The following CPOX variants were observed in gnomAD, a reference collection of about 807,000 sequenced individuals.
The protein encoded by CPOX is coproporphyrinogen oxidase.
CPOX carries 24 observed loss-of-function variants against 48.9 expected under a neutral mutation model. That is an observed-to-expected ratio of 0.49 (90% confidence interval 0.36 to 0.69). The LOEUF (loss-of-function observed/expected upper bound fraction) is 0.69, where lower values mean the gene tolerates loss of function less well. Among genes scored for constraint, CPOX ranks in the 30% least tolerant of loss-of-function variants. The probability of loss-of-function intolerance (pLI) is 0.00; values close to 1 mark genes in which losing one functional copy is unlikely to be tolerated. For missense variants in CPOX, 549 were observed against 597.3 expected (o/e 0.92, Z 0.84); for synonymous variants, 249 against 234.6 (o/e 1.06, Z -0.56).
In CPOX at chr3:98,590,676, G is replaced by C. The variant is rs770409384; in HGVS notation, c.767C>G (p.Thr256Ser). 1.4e-5 allele frequency: 23 copies of C among 1,614,034 alleles called. No homozygotes were observed. In the East Asian group the frequency reaches 5.1e-4, roughly 36 times the overall value. ...AAAGTATCTGTAGTTGAAATGGATAGTAGGAGCATGAGGATTCTTGGGGTG... is the reference window on the plus strand; with the variant it reads ...AAAGTATCTGTAGTTGAAATGGATACTAGGAGCATGAGGATTCTTGGGGTG... ...VIHPKNPHAP[T>S]IHFNYRYFEV... Residue 256 changes from threonine (T) to serine (S), a missense_variant, in exon 3 of 7, where the codon ACT (threonine) becomes AGT (serine). Physicochemically the swap from Thr to Ser is moderately conservative, Grantham distance 58 (BLOSUM62 1). This residue lies in a region of CPOX where 213 missense variants were observed against 279.1 expected (regional missense o/e 0.76). Transcript: ENST00000647941.
intron 1 of CPOX, among the ~76,000 whole-genome samples, chr3:98,591,966 CAT>C (rs10535615): frequency 0.67 from 97,572 of 145,708 alleles, 32,295 homozygotes; most frequent in East Asian, 0.75. Context: ...ATATTCCATC[CAT>C]ATATATATAT....
Position 98,579,806 on chromosome 3 carries a change from A to C in CPOX, c.*877T>G. The C allele has an allele frequency of 1.0e-6, 1 of 985,500 alleles. No individual in the cohort carries two copies. 61.0% of individuals were successfully genotyped at this position (985,500 alleles called of 1,614,324 possible). A position where few individuals can be genotyped will look rare whatever the true frequency, so the allele number is the denominator to read the frequency against. On this transcript the variant is annotated 3_prime_UTR_variant, in exon 7 of 7. Transcript: ENST00000647941. ...TCTCATACTATATATACTTGCTTTA[A>C]AGAAGGAAATTATTTCTCATTTCAT...
rs1311103958 is a variant in CPOX at position 98,591,101 on chromosome 3, C to G, written c.611G>C (p.Gly204Ala). The change falls in exon 2 of 7, where the codon GGG (glycine) becomes GCG (alanine). Residue 204 changes from glycine (G) to alanine (A), a missense_variant. Transcript: ENST00000647941. ...TCCATGAACAACAGAAATGCTCACCCCAGCCTTTTCGAAAACACACCCATC... is the reference window on the plus strand; with the variant it reads ...TCCATGAACAACAGAAATGCTCACCGCAGCCTTTTCGAAAACACACCCATC... ...LQDGCVFEKA[G>A]VSISVVHGNL... is the part of the protein sequence containing the mutation. 1 of 1,614,098 alleles carries G rather than the reference C, an allele frequency of 6.2e-7. No individual in the cohort carries two copies. The highest frequency in any genetic ancestry group is 1.1e-5 in the South Asian group (1 of 91,078).
At chr3:98,583,755 G>T (rs1317419969) in intron 5 of CPOX, among the ~76,000 whole-genome samples, 1 of 152,170 alleles carries the variant, frequency 6.6e-6, no homozygotes, top group African/African-American at 2.4e-5. Flanking sequence ...ACAGGGTGAA[G>T]ACGAGGCAAA....
the CPOX span, among the ~76,000 whole-genome samples, chr3:98,574,311 C>G: frequency 1.3e-5 from 2 of 152,194 alleles, no homozygotes; most frequent in African/African-American, 4.8e-5. Context: ...TAGGGCACAG[C>G]AACGATGGCT....
downstream of CPOX, chr3:98,578,205 C>T (rs1280335572): frequency 6.7e-6 from 6 of 891,514 alleles, no homozygotes; most frequent in African/African-American, 1.1e-4. Flanking sequence ...ATCTGTTTTC[C>T]AGTAGTTATG....
chr3:98,574,645 G>C (rs113471840), downstream of CPOX, among the ~76,000 whole-genome samples: 3 of 152,146 alleles, frequency 2.0e-5, no homozygotes, highest in Admixed American at 6.5e-5. Context: ...GCAGTGGCAC[G>C]ATCTTGGCTC....
chr3:98,584,588 T>C (rs1466370174), intron 5 of CPOX, among the ~76,000 whole-genome samples: 2 of 152,226 alleles, frequency 1.3e-5, no homozygotes, highest in South Asian at 2.1e-4. Context: ...CAAAGCTTCT[T>C]TTGCCTAACA....
chr3:98,586,796 T>C (rs1707372588), intron 4 of CPOX, among the ~76,000 whole-genome samples: 1 of 151,996 alleles, frequency 6.6e-6, no homozygotes, highest in South Asian at 2.1e-4. Flanking sequence ...TACAAAAAAT[T>C]AGCCAGGCGT....
At chr3:98,586,669 A>G (rs1035829381) in intron 4 of CPOX, among the ~76,000 whole-genome samples, 1 of 151,940 alleles carries the variant, frequency 6.6e-6, no homozygotes, top group Admixed American at 6.6e-5. Context: ...CCTGGGCCGG[A>G]CGCGGTGGCT....
the CPOX span, among the ~76,000 whole-genome samples, chr3:98,573,288 A>T: frequency 6.6e-6 from 1 of 152,242 alleles, no homozygotes; most frequent in African/African-American, 2.4e-5. Flanking sequence ...TCATAAAGTG[A>T]GACATGAAAC....
At chr3:98,589,780 G>C (rs531713703) in intron 3 of CPOX, 1 of 152,202 alleles carries the variant, frequency 6.6e-6, no homozygotes, top group Non-Finnish European at 1.5e-5. Context: ...AGTTAAAGCA[G>C]TGACTTTAAA....
chr3:98,590,842 G>T, intron 2 of CPOX, 100 bp from the exon 3 acceptor site: 2 of 1,244,138 alleles, frequency 1.6e-6, no homozygotes, highest in Non-Finnish European at 2.3e-6. Context: ...TTCAAAAGCT[G>T]CTTTTTAATT....
At chr3:98,572,477 A>C in the CPOX span, among the ~76,000 whole-genome samples, 4 of 152,256 alleles carry the variant, frequency 2.6e-5, no homozygotes, top group South Asian at 6.2e-4. Flanking sequence ...GTATGTTATG[A>C]AACTTTTATT....
At chr3:98,587,805 A>G (rs2107124752) in intron 4 of CPOX, among the ~76,000 whole-genome samples, 1 of 152,206 alleles carries the variant, frequency 6.6e-6, no homozygotes, top group African/African-American at 2.4e-5. Context: ...TTTATTACCT[A>G]ACACTGCTTA....
At chr3:98,588,913 A>G (rs1385377111) in intron 3 of CPOX, 59 bp from the exon 4 acceptor site, 3 of 1,579,012 alleles carry the variant, frequency 1.9e-6, no homozygotes, top group Non-Finnish European at 2.6e-6. Context: ...ATTACTGGCT[A>G]TATTAGGACA....
At chr3:98,570,663 TTTAA>T in the CPOX span, among the ~76,000 whole-genome samples, 1 of 152,180 alleles carries the variant, frequency 6.6e-6, no homozygotes, top group Non-Finnish European at 1.5e-5. Context: ...CTTAAAAGAT[TTTAA>T]TTAAATACTT....
chr3:98,574,410 T>C, the CPOX span, among the ~76,000 whole-genome samples: 3 of 152,144 alleles, frequency 2.0e-5, no homozygotes, highest in Admixed American at 6.5e-5. Context: ...ATTACTAAGA[T>C]GAAGAGTCGG....
the CPOX span, among the ~76,000 whole-genome samples, chr3:98,574,339 C>T: frequency 1.3e-4 from 20 of 152,144 alleles, no homozygotes; most frequent in African/African-American, 4.3e-4. Flanking sequence ...GTTCCACACA[C>T]GAGGGCACGT....
Sources: allele counts gnomAD v4.1 joint callset (sites outside exome capture counted in the v4.1 genomes callset), GRCh38; gene constraint gnomAD v4.1.1; regional missense constraint gnomAD v4.1.1; transcripts MANE v1.5; gene names NCBI Gene and HGNC (gene_info 2026-07-23, HGNC 2026-07-21).